RALGAPA2: variants seen among roughly 807,000 people sequenced by gnomAD.
RALGAPA2 encodes Ral GTPase activating protein catalytic subunit alpha 2, also known as ral GTPase-activating protein subunit alpha-2.
In RALGAPA2, 139 loss-of-function variants were observed where a neutral mutation model predicts 230.4. The observed-to-expected ratio is 0.60, with a 90% CI of 0.53 to 0.69. RALGAPA2 has a LOEUF of 0.69. RALGAPA2 is among the 30% of genes least tolerant of loss of function. RALGAPA2 has a pLI of 0.00. For missense variants in RALGAPA2, 2,163 were observed against 2,276.0 expected, an observed-to-expected ratio of 0.95 and a Z score of 1.01; for synonymous variants, 847 against 837.8, an observed-to-expected ratio of 1.01 and a Z score of -0.19.
intron 3 of RALGAPA2, among the ~76,000 whole-genome samples, chr20:20,662,209 C>T (rs2067804093): frequency 6.6e-6 from 1 of 152,042 alleles, no homozygotes; most frequent in Non-Finnish European, 1.5e-5. Context: ...AAGTGTTACA[C>T]AGGTCACAAG....
intron 1 of RALGAPA2, among the ~76,000 whole-genome samples, chr20:20,682,006 TGA>T (rs1020760112): frequency 6.6e-6 from 1 of 152,230 alleles, no homozygotes; most frequent in Non-Finnish European, 1.5e-5. Context: ...CCTAACACTG[TGA>T]ATCTATGTGA....
intron 21 of RALGAPA2, among the ~76,000 whole-genome samples, 180 bp downstream of exon 21, chr20:20,572,693 CTT>C (rs1358745796): frequency 6.6e-6 from 1 of 152,024 alleles, no homozygotes; most frequent in Non-Finnish European, 1.5e-5. Flanking sequence ...AATGAAATAA[CTT>C]TTGCATTTAT....
At chr20:20,410,541 C>A (rs1294865369) in intron 38 of RALGAPA2, among the ~76,000 whole-genome samples, 1 of 152,192 alleles carries the variant, frequency 6.6e-6, no homozygotes, top group African/African-American at 2.4e-5. Flanking sequence ...TTAAAATTAG[C>A]TTTGCTACAG....
chr20:20,493,378 C>T (rs1451658903), intron 36 of RALGAPA2, among the ~76,000 whole-genome samples: 1 of 152,126 alleles, frequency 6.6e-6, no homozygotes, highest in Admixed American at 6.5e-5. Flanking sequence ...ATTAAGAAAG[C>T]GATTTGCTCA....
chr20:20,638,400 G>A (rs532828680), intron 7 of RALGAPA2, among the ~76,000 whole-genome samples: 26 of 152,290 alleles, frequency 1.7e-4, no homozygotes, highest in Admixed American at 1.7e-3. Context: ...GGGGCAGCGG[G>A]GTTCAGCATC....
Position 20,572,957 on chromosome 20 carries a change from C to G in RALGAPA2, c.2819G>C (p.Gly940Ala), listed in dbSNP as rs1259142935. Residue 940 changes from glycine to alanine, a missense_variant, in exon 21 of 40, where the codon GGA (glycine) becomes GCA (alanine). Coordinates refer to ENST00000202677, the MANE Select transcript of RALGAPA2 (RefSeq NM_020343.4). ...GGGTGACTGGATGTTATTCACATCT[C>G]CGAGGATCCCCAAGACCCTTCGCCA... ...VLWRRVLGIL[G>A]DVNNIQSPKI... 1 of 1,594,718 alleles carries G rather than the reference C, an allele frequency of 6.3e-7. No individual in the cohort carries two copies. Among genetic ancestry groups the G allele is most frequent in the Admixed American group, 1.7e-5 (1 of 57,420 alleles).
At chr20:20,661,123 G>A (rs994956372) in intron 3 of RALGAPA2, among the ~76,000 whole-genome samples, 3 of 152,134 alleles carry the variant, frequency 2.0e-5, no homozygotes, top group African/African-American at 4.8e-5. Flanking sequence ...GACATATGGA[G>A]TTAAAGTAAA....
At chr20:20,395,617 T>C (rs2059697517) in intron 39 of RALGAPA2, among the ~76,000 whole-genome samples, 1 of 152,044 alleles carries the variant, frequency 6.6e-6, no homozygotes, top group African/African-American at 2.4e-5. Context: ...TCGTGTCACC[T>C]GTTGGGGCTG....
At chr20:20,656,690 T>C (rs1025526086) in intron 3 of RALGAPA2, among the ~76,000 whole-genome samples, 3 of 152,236 alleles carry the variant, frequency 2.0e-5, no homozygotes, top group African/African-American at 7.2e-5. Context: ...CTCTACAGAA[T>C]ATCTTAATAA....
At chr20:20,620,407 T>C in intron 11 of RALGAPA2, 56 bp downstream of exon 11, 2 of 1,557,326 alleles carry the variant, frequency 1.3e-6, no homozygotes, top group Non-Finnish European at 8.8e-7. Context: ...ACTGAGCAAG[T>C]ATACTTTACT....
chr20:20,558,524 T>G (rs760597127), intron 23 of RALGAPA2, among the ~76,000 whole-genome samples: 4 of 152,188 alleles, frequency 2.6e-5, no homozygotes, highest in Non-Finnish European at 5.9e-5. Flanking sequence ...ATGAAGGAAC[T>G]GGCTCATAAA....
intron 20 of RALGAPA2, among the ~76,000 whole-genome samples, chr20:20,580,469 A>G (rs2064951622): frequency 6.6e-6 from 1 of 152,168 alleles, no homozygotes; most frequent in South Asian, 2.1e-4. Context: ...AGGAAACTAG[A>G]AACAGCCCGT....
chr20:20,445,390 T>C (rs2060838165), intron 37 of RALGAPA2, among the ~76,000 whole-genome samples: 1 of 152,234 alleles, frequency 6.6e-6, no homozygotes, highest in Non-Finnish European at 1.5e-5. Context: ...ATTGGTCAGA[T>C]GTTGGTTCTG....
chr20:20,649,796 C>G (rs984192691), intron 4 of RALGAPA2, among the ~76,000 whole-genome samples: 1 of 152,140 alleles, frequency 6.6e-6, no homozygotes, highest in South Asian at 2.1e-4. Context: ...CCTGTGTTGA[C>G]GATGCGCAGC....
chr20:20,563,233 A>C (rs899785489), intron 23 of RALGAPA2, among the ~76,000 whole-genome samples: 5 of 152,224 alleles, frequency 3.3e-5, no homozygotes, highest in Non-Finnish European at 7.3e-5. Flanking sequence ...CCTTATATTC[A>C]ATAATATTTC....
Position 20,393,196 on chromosome 20 carries a change from G to A in RALGAPA2, c.*93C>T, listed in dbSNP as rs1406588486. On this transcript the variant is annotated 3_prime_UTR_variant, in exon 40 of 40. Coordinates refer to ENST00000202677, the MANE Select transcript of RALGAPA2 (RefSeq NM_020343.4). ...GGGCAGAGGCAGGAGAGGGTGTTCT[G>A]TCTCCTCCTCACTCAGGGGCTCTTC... The A allele has an allele frequency of 7.4e-7, 1 of 1,349,346 alleles. No individual in the cohort carries two copies. Among genetic ancestry groups the A allele is most frequent in the African/African-American group, 1.5e-5 (1 of 67,464 alleles). 83.6% of individuals were successfully genotyped at this position (1,349,346 alleles called of 1,614,324 possible). A position where few individuals can be genotyped will look rare whatever the true frequency, so the allele number is the denominator to read the frequency against.
chr20:20,575,988 CTT>C (rs367633767), intron 20 of RALGAPA2, among the ~76,000 whole-genome samples: 153 of 152,040 alleles, frequency 1.0e-3, no homozygotes, highest in African/African-American at 3.0e-3. Flanking sequence ...TAATTTATGT[CTT>C]TGTTACTCAT....
At chr20:20,630,505 T>C (rs1297183231) in intron 9 of RALGAPA2, among the ~76,000 whole-genome samples, 1 of 152,250 alleles carries the variant, frequency 6.6e-6, no homozygotes, top group African/African-American at 2.4e-5. Flanking sequence ...ATTATACTTG[T>C]AATAATTTTT....
chr20:20,503,954 C>A (rs1602571867), intron 34 of RALGAPA2, among the ~76,000 whole-genome samples: 1 of 152,146 alleles, frequency 6.6e-6, no homozygotes, highest in Non-Finnish European at 1.5e-5. Flanking sequence ...GCTAAACTGC[C>A]TTTCAAAAGG....
Sources: gnomAD v4.1 joint callset for allele counts (sites outside exome capture counted in the v4.1 genomes callset) on GRCh38, gnomAD v4.1.1 for gene constraint, MANE v1.5 for transcripts, NCBI Gene and HGNC (gene_info 2026-07-23, HGNC 2026-07-21) for gene names.